EPG5: variants seen among roughly 807,000 people sequenced by gnomAD.
The protein encoded by EPG5 is ectopic P granules protein 5 homolog.
In EPG5, 159 loss-of-function variants were observed where a neutral mutation model predicts 302.7. That is an observed-to-expected ratio of 0.53 (90% CI 0.46 to 0.60). The LOEUF (loss-of-function observed/expected upper bound fraction) is 0.60, where lower values mean the gene tolerates loss of function less well. Among genes scored for constraint, EPG5 ranks in the 20% least tolerant of loss-of-function variants. The pLI is 0.00. For synonymous variants in EPG5, 1,158 were observed against 1,136.8 expected, an observed-to-expected ratio of 1.02 and a Z score of -0.37; for missense variants, 2,896 against 3,092.4, an observed-to-expected ratio of 0.94 and a Z score of 1.51.
rs1415632418 is a variant in EPG5 at position 45,934,905 on chromosome 18, A to G, written c.2161T>C (p.Trp721Arg). 2 of 1,614,202 alleles carry G rather than the reference A, an allele frequency of 1.2e-6. No homozygotes were observed. The highest frequency in any genetic ancestry group is 8.5e-7 in the Non-Finnish European group (1 of 1,180,034). Reference protein sequence around the residue: ...PFGTLSVQMLWKLFYLMHQVE... With the variant: ...PFGTLSVQMLRKLFYLMHQVE... ...TGGTGCATGAGGTAGAAGAGCTTCCACAGCATTTGCACAGACAGAGTCCCA... is the reference window on the plus strand; with the variant it reads ...TGGTGCATGAGGTAGAAGAGCTTCCGCAGCATTTGCACAGACAGAGTCCCA... Residue 721 changes from tryptophan to arginine, a missense_variant, in exon 11 of 44, where the codon TGG (tryptophan) becomes CGG (arginine). Coordinates refer to ENST00000282041, the MANE Select transcript of EPG5 (RefSeq NM_020964.3).
intron 6 of EPG5, 24 bp from the exon 7 acceptor site, chr18:45,946,792 C>G: frequency 1.3e-6 from 2 of 1,594,412 alleles, no homozygotes; most frequent in South Asian, 2.2e-5. Context: ...ATAATCACTC[C>G]CATCACTTAG....
chr18:45,890,071 T>TA, intron 27 of EPG5, 131 bp from the exon 28 acceptor site: 1 of 613,702 alleles, frequency 1.6e-6, no homozygotes, highest in South Asian at 2.8e-5. Context: ...GACTGCCTTA[T>TA]AAACTGGTAA....
In EPG5 at chr18:45,910,725, C is replaced by T; in HGVS notation, c.4001G>A (p.Cys1334Tyr). Residue 1334 changes from cysteine (C) to tyrosine (Y), a missense_variant, in exon 23 of 44, where the codon TGT (cysteine) becomes TAT (tyrosine). Coordinates refer to ENST00000282041, the MANE Select transcript of EPG5 (RefSeq NM_020964.3). ...ACTTTGAAAAAACCTTCTTCCAATA[C>T]AACCATCTATGGGTAACCTTAAAAA... ...GPQYGLPIDG[C>Y]IGRRFFQSPA... 1 of 1,613,990 alleles carries T rather than the reference C, an allele frequency of 6.2e-7. No individual in the cohort carries two copies. Among genetic ancestry groups the T allele is most frequent in the Non-Finnish European group, 8.5e-7 (1 of 1,179,910 alleles).
intron 27 of EPG5, among the ~76,000 whole-genome samples, chr18:45,893,597 A>G (rs2049401539): frequency 6.6e-6 from 1 of 151,686 alleles, no homozygotes; most frequent in Non-Finnish European, 1.5e-5. Context: ...CAAAGCACCT[A>G]GCATAATACC....
intron 30 of EPG5, 66 bp downstream of exon 30, chr18:45,884,551 G>C (rs1397841628): frequency 7.0e-7 from 1 of 1,431,572 alleles, no homozygotes; most frequent in East Asian, 2.5e-5. Context: ...TTTTATTTCT[G>C]TAGAGGAGGA....
chr18:45,834,992 G>A, the EPG5 span, among the ~76,000 whole-genome samples: 15 of 152,048 alleles, frequency 9.9e-5, no homozygotes, highest in Non-Finnish European at 2.1e-4. Context: ...AAGGTTCTTT[G>A]ATGATTAACT....
chr18:45,837,556 G>C, the EPG5 span: 2 of 1,516,282 alleles, frequency 1.3e-6, no homozygotes, highest in Non-Finnish European at 8.8e-7. Flanking sequence ...CACCCGAGGT[G>C]AGCGCGGAGG....
chr18:45,912,168 C>T, intron 22 of EPG5, 122 bp downstream of exon 22: 2 of 884,872 alleles, frequency 2.3e-6, no homozygotes, highest in Non-Finnish European at 3.3e-6. Context: ...GAGAAAGAGT[C>T]CTCACCAGAG....
At chr18:45,917,456 A>G (rs996276489) in intron 17 of EPG5, among the ~76,000 whole-genome samples, 1 of 152,270 alleles carries the variant, frequency 6.6e-6, no homozygotes, top group Non-Finnish European at 1.5e-5. Flanking sequence ...AAGTTATAAT[A>G]AATGAAAAGG....
Position 45,916,448 on chromosome 18 carries a change from CTGT to C in EPG5, c.3371_3373del (p.Asn1124del), listed in dbSNP as rs2050035233. ...TTGCAAGGCCCTCACCTGGATCATG[CTGT>C]TGAGAAGCTTCACGTTGTCCCCATG... On this transcript the variant is annotated inframe_deletion, in exon 18 of 44. Coordinates refer to ENST00000282041, the MANE Select transcript of EPG5 (RefSeq NM_020964.3). The C allele has an allele frequency of 2.5e-6, 4 of 1,611,878 alleles. No individual in the cohort carries two copies. The highest frequency in any genetic ancestry group is 3.4e-6 in the Non-Finnish European group (4 of 1,178,348).
Position 45,923,371 on chromosome 18 carries a change from T to G in EPG5, c.2735A>C (p.Asp912Ala). 6.2e-7 allele frequency: 1 copy of G among 1,613,624 alleles called. No homozygotes were observed. Among genetic ancestry groups the G allele is most frequent in the Non-Finnish European group, 8.5e-7 (1 of 1,179,882 alleles). ...AGCCACTTCAGCATGGACTGCTTGATCCAGATGAAGGGTAGCCTTTTAAAG... is the reference window on the plus strand; with the variant it reads ...AGCCACTTCAGCATGGACTGCTTGAGCCAGATGAAGGGTAGCCTTTTAAAG... ...GFAKQATLHL[D>A]QAVHAEVALM... is the part of the protein sequence containing the mutation. Residue 912 changes from aspartate (D) to alanine (A), a missense_variant, in exon 15 of 44, where the codon GAT becomes GCT. Asp to Ala is a moderately radical substitution (Grantham distance 126, BLOSUM62 -2). Around this residue, in one of 5 missense-constraint regions of EPG5, gnomAD observed 1,390 missense variants for 1,430.0 expected, o/e 0.97. Coordinates refer to ENST00000282041, the MANE Select transcript of EPG5 (RefSeq NM_020964.3).
intron 21 of EPG5, among the ~76,000 whole-genome samples, chr18:45,912,715 T>C (rs912378285): frequency 6.6e-6 from 1 of 152,192 alleles, no homozygotes; most frequent in South Asian, 2.1e-4. Flanking sequence ...TTAAGAGTCA[T>C]CTAGTCTAAC....
intron 2 of EPG5, chr18:45,953,936 GC>G: frequency 1.0e-6 from 1 of 985,252 alleles, no homozygotes; most frequent in Non-Finnish European, 1.2e-6. Flanking sequence ...GTAGCATTAT[GC>G]CCAAGGTCAC....
chr18:45,855,722 G>A (rs760941085), intron 42 of EPG5, 35 bp from the exon 43 acceptor site: 2 of 1,349,004 alleles, frequency 1.5e-6, no homozygotes, highest in Non-Finnish European at 2.1e-6. Flanking sequence ...AGAAGTAAAT[G>A]GCTATTAAAG....
intron 21 of EPG5, among the ~76,000 whole-genome samples, 185 bp from the exon 22 acceptor site, chr18:45,912,641 A>G (rs540466028): frequency 6.6e-6 from 1 of 152,348 alleles, no homozygotes; most frequent in East Asian, 1.9e-4. Flanking sequence ...CTTGGTAGCA[A>G]GACATGTAGG....
chr18:45,825,646 C>T, the EPG5 span: 2 of 1,520,524 alleles, frequency 1.3e-6, no homozygotes, highest in Non-Finnish European at 1.8e-6. Flanking sequence ...GCCCGCCTTC[C>T]TTCCCCCACC....
intron 16 of EPG5, among the ~76,000 whole-genome samples, chr18:45,919,807 C>G (rs1297227088): frequency 4.6e-5 from 7 of 152,136 alleles, no homozygotes; most frequent in Admixed American, 4.6e-4. Context: ...CCACTGCACC[C>G]GGCCTACATG....
Position 45,860,098 on chromosome 18 carries a change from TCTTA to T in EPG5, c.7009+2_7009+5del. On this transcript the variant is annotated splice_donor_variant and splice_donor_5th_base_variant and intron_variant, in intron 40 of 43. Coordinates refer to ENST00000282041, the MANE Select transcript of EPG5 (RefSeq NM_020964.3). LOFTEE classifies it high-confidence loss of function. Reference sequence around the variant, plus strand: ...TACAATGGAGCGTAAGATGACCTCCTCTTACTTTCTTTGAAGTAGGCAGTGATGC... The same window carrying T: ...TACAATGGAGCGTAAGATGACCTCCTCTTTCTTTGAAGTAGGCAGTGATGC... 6.2e-7 allele frequency: 1 copy of T among 1,614,166 alleles called. No homozygotes were observed. Among genetic ancestry groups the T allele is most frequent in the East Asian group, 2.2e-5 (1 of 44,888 alleles).
At chr18:45,876,093 C>A (rs1404650610) in intron 35 of EPG5, 143 bp downstream of exon 35, 50 of 599,340 alleles carry the variant, frequency 8.3e-5, no homozygotes, top group Non-Finnish European at 1.3e-4. Context: ...ACACTTAACA[C>A]TAAATAATTG....
Sources: allele counts gnomAD v4.1 joint callset (sites outside exome capture counted in the v4.1 genomes callset), GRCh38; gene constraint gnomAD v4.1.1; regional missense constraint gnomAD v4.1.1; transcripts MANE v1.5; gene names NCBI Gene and HGNC (gene_info 2026-07-23, HGNC 2026-07-21).